ZNF385B: variants seen among roughly 807,000 people sequenced by gnomAD.
ZNF385B encodes the protein zinc finger protein 533.
In ZNF385B, 23 loss-of-function variants were observed where a neutral mutation model predicts 39.2. That is an observed-to-expected ratio of 0.59 (90% CI 0.42 to 0.83). ZNF385B has a LOEUF of 0.83. Ranked by LOEUF, ZNF385B falls within the 40% of genes least tolerant of loss-of-function variation. ZNF385B has a pLI of 0.00. For missense variants in ZNF385B, 552 were observed against 598.9 expected (o/e 0.92, Z 0.82); for synonymous variants, 205 against 222.6 (o/e 0.92, Z 0.70).
intron 3 of ZNF385B, among the ~76,000 whole-genome samples, chr2:179,552,914 A>C (rs1338659018): frequency 6.7e-6 from 1 of 149,366 alleles, no homozygotes; most frequent in Non-Finnish European, 1.5e-5. Context: ...ATATATACTT[A>C]TACATATTTA....
chr2:179,479,953 A>G (rs2105576260), intron 6 of ZNF385B, among the ~76,000 whole-genome samples: 1 of 152,296 alleles, frequency 6.6e-6, no homozygotes, highest in Admixed American at 6.5e-5. Context: ...CTCTCCCAGA[A>G]GCTCCCTCTG....
intron 3 of ZNF385B, among the ~76,000 whole-genome samples, chr2:179,762,177 G>T (rs913238658): frequency 2.6e-5 from 4 of 151,796 alleles, no homozygotes; most frequent in Admixed American, 6.6e-5. Context: ...TGTTGATATG[G>T]TAGATTTTTT....
chr2:179,804,594 T>G (rs1276492948), intron 1 of ZNF385B, among the ~76,000 whole-genome samples: 3 of 152,232 alleles, frequency 2.0e-5, no homozygotes, highest in Non-Finnish European at 2.9e-5. Flanking sequence ...AACCTATCTG[T>G]ACCTCAGTTT....
rs954503018 is a variant in ZNF385B at position 179,568,102 on chromosome 2, T to G, written c.299-23133A>C. Among the ~76,000 whole-genome samples, 8 of 152,212 alleles carry G rather than the reference T, an allele frequency of 5.3e-5. No homozygotes were observed. In the South Asian group the frequency reaches 1.4e-3, roughly 28 times the overall value. On this transcript the variant is annotated intron_variant, in intron 3 of 9. Coordinates refer to ENST00000410066, the MANE Select transcript of ZNF385B (RefSeq NM_152520.6). ...GCCCCTGCCTGCTCCAAAACCTCACTGAGTACTGCCTCTCTTCCCCCAAGA... is the reference window on the plus strand; with the variant it reads ...GCCCCTGCCTGCTCCAAAACCTCACGGAGTACTGCCTCTCTTCCCCCAAGA...
Position 179,443,336 on chromosome 2 carries a change from C to A in ZNF385B, c.1375G>T (p.Ala459Ser), listed in dbSNP as rs756682404. Reference protein sequence around the residue: ...PPRPSASLFQAPAIPPALLRP... With the variant: ...PPRPSASLFQSPAIPPALLRP... ...AGAAGAGCTGGAGGAATGGCTGGAG[C>A]CTGGAAGAGCGAGGCAGAGGGCCGG... Residue 459 changes from alanine (A) to serine (S), a missense_variant, in exon 10 of 10, where the codon GCT becomes TCT. Transcript: ENST00000410066. 1 of 1,612,294 alleles carries A rather than the reference C, an allele frequency of 6.2e-7. No homozygotes were observed. Among genetic ancestry groups the A allele is most frequent in the East Asian group, 2.2e-5 (1 of 44,868 alleles).
intron 3 of ZNF385B, among the ~76,000 whole-genome samples, chr2:179,556,334 T>C (rs889881013): frequency 6.7e-6 from 1 of 149,816 alleles, no homozygotes; most frequent in Non-Finnish European, 1.5e-5. Flanking sequence ...TTTAAATAAA[T>C]TTATGGGGTT....
At chr2:179,649,939 C>T (rs1693058315) in intron 3 of ZNF385B, among the ~76,000 whole-genome samples, 4 of 152,014 alleles carry the variant, frequency 2.6e-5, no homozygotes, top group Admixed American at 6.6e-5. Context: ...ATCATAAGAC[C>T]TGTTTACGTT....
At chr2:179,696,507 A>C (rs190819730) in intron 3 of ZNF385B, among the ~76,000 whole-genome samples, 52 of 152,044 alleles carry the variant, frequency 3.4e-4, no homozygotes, top group African/African-American at 1.2e-3. Context: ...CAAGTAAAAC[A>C]ATATATCCTA....
rs180712234 is a variant in ZNF385B at position 179,637,816 on chromosome 2, G to A, written c.299-92847C>T. 1.8e-3 allele frequency among the ~76,000 whole-genome samples: 276 copies of A among 152,296 alleles called. 2 individuals are homozygous for A. The highest frequency in any genetic ancestry group is 1.5e-3 in the Non-Finnish European group (105 of 68,024). The stretch of plus-strand genomic sequence containing the variant: ...CCATATTGCCCTGCAGTATTAGTAT[G>A]CTTGAAAAAACTCTTGATTTTAAAG... On this transcript the variant is annotated intron_variant, in intron 3 of 9. Transcript: ENST00000410066.
intron 3 of ZNF385B, among the ~76,000 whole-genome samples, chr2:179,714,008 G>A (rs1700166682): frequency 6.6e-6 from 1 of 152,160 alleles, no homozygotes; most frequent in African/African-American, 2.4e-5. Flanking sequence ...AAGGTTCTAA[G>A]CAAAATGGGT....
intron 3 of ZNF385B, among the ~76,000 whole-genome samples, chr2:179,690,428 G>C (rs1698271598): frequency 6.6e-6 from 1 of 152,170 alleles, no homozygotes; most frequent in Non-Finnish European, 1.5e-5. Context: ...TATAAGGAAA[G>C]TTGGTCCTCC....
At chr2:179,687,694 T>C (rs980703707) in intron 3 of ZNF385B, among the ~76,000 whole-genome samples, 2 of 152,210 alleles carry the variant, frequency 1.3e-5, no homozygotes, top group African/African-American at 2.4e-5. Flanking sequence ...TTAGTTCAAG[T>C]TGTGGCTCTG....
chr2:179,668,222 G>T (rs1359317313), intron 3 of ZNF385B, among the ~76,000 whole-genome samples: 1 of 152,162 alleles, frequency 6.6e-6, no homozygotes, highest in Non-Finnish European at 1.5e-5. Flanking sequence ...GAAGACCATA[G>T]TACTGAATTA....
At position 179,814,616 on chromosome 2, in the gene ZNF385B, C is replaced by T. The variant is rs114785141; in HGVS notation, c.-154-43944G>A. The T allele has an allele frequency of 6.6e-3, 3,677 of 559,502 alleles. 19 individuals are homozygous for T. The highest frequency in any genetic ancestry group is 7.8e-3 in the Non-Finnish European group (2,436 of 310,660). 34.7% of individuals were successfully genotyped at this position (559,502 alleles called of 1,614,324 possible). On this transcript the variant is annotated intron_variant, in intron 1 of 9. Coordinates refer to ENST00000410066, the MANE Select transcript of ZNF385B (RefSeq NM_152520.6). ...TCATAGAGACCGTGGACTGTAGGGC[C>T]CTCAATGGTGGCGACCTGGTCTTGT...
chr2:179,731,028 C>T (rs1301873110), intron 3 of ZNF385B, among the ~76,000 whole-genome samples: 1 of 152,162 alleles, frequency 6.6e-6, no homozygotes, highest in Non-Finnish European at 1.5e-5. Flanking sequence ...TAGATTAAGG[C>T]TTTGAAAATA....
intron 6 of ZNF385B, among the ~76,000 whole-genome samples, chr2:179,476,239 T>C (rs948796737): frequency 6.6e-6 from 1 of 152,176 alleles, no homozygotes; most frequent in Non-Finnish European, 1.5e-5. Context: ...AGGGCATTTA[T>C]GGTTATACAT....
chr2:179,736,901 C>A (rs373832707), intron 3 of ZNF385B, among the ~76,000 whole-genome samples: 4 of 152,158 alleles, frequency 2.6e-5, no homozygotes, highest in Non-Finnish European at 4.4e-5. Context: ...ACTCGAGAGG[C>A]GGAACTTGGA....
At chr2:179,714,445 C>A (rs1700191985) in intron 3 of ZNF385B, among the ~76,000 whole-genome samples, 2 of 152,150 alleles carry the variant, frequency 1.3e-5, no homozygotes. Context: ...TATTTTCAAC[C>A]ATGCAATGCC....
intron 5 of ZNF385B, among the ~76,000 whole-genome samples, chr2:179,517,534 T>TC (rs2058177866): frequency 2.0e-5 from 3 of 149,942 alleles, no homozygotes; most frequent in Non-Finnish European, 4.5e-5. Context: ...TGATTTTTTA[T>TC]TATGCTTCCT....
Sources: allele counts gnomAD v4.1 joint callset (sites outside exome capture counted in the v4.1 genomes callset), GRCh38; gene constraint gnomAD v4.1.1; transcripts MANE v1.5; gene names NCBI Gene and HGNC (gene_info 2026-07-23, HGNC 2026-07-21).